RETREG1: variants seen among roughly 807,000 people sequenced by gnomAD.
RETREG1 encodes the protein family with sequence similarity 134 member B.
In RETREG1, 44 loss-of-function variants were observed where a neutral mutation model predicts 54.8. The ratio of observed to expected loss-of-function variants is 0.80; its 90% CI spans 0.63 to 1.03. The LOEUF (loss-of-function observed/expected upper bound fraction) is 1.03, where lower values mean the gene tolerates loss of function less well. Among genes scored for constraint, RETREG1 ranks in the 50% least tolerant of loss-of-function variants. The pLI is 0.00. For missense variants in RETREG1, 554 were observed against 605.1 expected, an observed-to-expected ratio of 0.92 and a Z score of 0.89; for synonymous variants, 217 against 238.5, an observed-to-expected ratio of 0.91 and a Z score of 0.83.
At chr5:16,522,610 T>C (rs1443407355) in intron 3 of RETREG1, among the ~76,000 whole-genome samples, 1 of 152,174 alleles carries the variant, frequency 6.6e-6, no homozygotes, top group Non-Finnish European at 1.5e-5. Flanking sequence ...ATCCCCAATC[T>C]CCTGTCTCCA....
At chr5:16,504,714 C>T (rs952488073) in intron 3 of RETREG1, among the ~76,000 whole-genome samples, 6 of 152,306 alleles carry the variant, frequency 3.9e-5, no homozygotes, top group Non-Finnish European at 7.4e-5. Context: ...AATCGCAACT[C>T]CCTCACTTCA....
At position 16,483,326 on chromosome 5, in the gene RETREG1, T is replaced by A. The variant is rs888395625; in HGVS notation, c.585+20A>T. 3.7e-6 allele frequency: 6 copies of A among 1,612,482 alleles called. No homozygotes were observed. In the African/African-American group the frequency reaches 5.3e-5, roughly 14 times the overall value. ...AGTAACTGAACATTTTAAAACATAC[T>A]CCTTTACTGGAAAACTTGCCTTGCC... On this transcript the variant is annotated intron_variant, in intron 4 of 8. Transcript: ENST00000306320.
At chr5:16,515,392 T>C (rs1041861706) in intron 3 of RETREG1, among the ~76,000 whole-genome samples, 1 of 152,226 alleles carries the variant, frequency 6.6e-6, no homozygotes, top group African/African-American at 2.4e-5. Context: ...CTTATTCCAA[T>C]CTGTTTTCTT....
chr5:16,547,459 G>A (rs757358396), intron 3 of RETREG1, among the ~76,000 whole-genome samples: 8 of 152,128 alleles, frequency 5.3e-5, no homozygotes, highest in Admixed American at 2.0e-4. Context: ...CCATCTTCCC[G>A]CAGAGCCTGG....
chr5:16,510,815 CAACAAA>C (rs1740148246), intron 3 of RETREG1, among the ~76,000 whole-genome samples: 2 of 56,392 alleles, frequency 3.5e-5, no homozygotes, highest in African/African-American at 6.8e-5. Flanking sequence ...ACAACAACAA[CAACAAA>C]AAAAAAAAAA....
chr5:16,558,110 T>G (rs866387265), intron 3 of RETREG1, among the ~76,000 whole-genome samples: 86 of 151,884 alleles, frequency 5.7e-4, no homozygotes, highest in African/African-American at 2.0e-3. Flanking sequence ...AAAAGTGAGT[T>G]GGAGCTGAGT....
At chr5:16,541,352 C>T (rs758325652) in intron 3 of RETREG1, among the ~76,000 whole-genome samples, 1 of 152,166 alleles carries the variant, frequency 6.6e-6, no homozygotes, top group Non-Finnish European at 1.5e-5. Context: ...AGACAATTCA[C>T]TAAAACGAAC....
intron 5 of RETREG1, among the ~76,000 whole-genome samples, chr5:16,479,509 T>A (rs1477869095): frequency 6.6e-6 from 1 of 152,132 alleles, no homozygotes; most frequent in Non-Finnish European, 1.5e-5. Context: ...GAAGCATAAA[T>A]GAAATCAATG....
At chr5:16,492,229 T>TCTCTCACACACACACACA (rs1406702350) in intron 3 of RETREG1, among the ~76,000 whole-genome samples, 1 of 110,570 alleles carries the variant, frequency 9.0e-6, no homozygotes, top group Non-Finnish European at 2.0e-5. Flanking sequence ...TCTCTCTCTC[T>TCTCTCACACACACACACA]CACACACACA....
chr5:16,608,655 C>A (rs1743260309), intron 1 of RETREG1, among the ~76,000 whole-genome samples: 1 of 152,142 alleles, frequency 6.6e-6, no homozygotes, highest in South Asian at 2.1e-4. Flanking sequence ...AGTTCAGGCA[C>A]TGGGCTTCTG....
At chr5:16,495,042 G>A (rs1739400002) in intron 3 of RETREG1, among the ~76,000 whole-genome samples, 1 of 152,126 alleles carries the variant, frequency 6.6e-6, no homozygotes, top group Non-Finnish European at 1.5e-5. Context: ...TCTTAAGCAA[G>A]GCAACTGGCT....
intron 1 of RETREG1, among the ~76,000 whole-genome samples, chr5:16,578,748 T>C (rs1379866980): frequency 6.6e-6 from 1 of 152,226 alleles, no homozygotes; most frequent in Non-Finnish European, 1.5e-5. Context: ...AGGCAGGGAA[T>C]TCTGTTTTCA....
At chr5:16,486,773 T>C (rs1326402545) in intron 3 of RETREG1, among the ~76,000 whole-genome samples, 2 of 152,180 alleles carry the variant, frequency 1.3e-5, no homozygotes, top group East Asian at 1.9e-4. Flanking sequence ...TGAGGTGTGA[T>C]TGACCAATAC....
At chr5:16,588,387 T>C (rs1742673882) in intron 1 of RETREG1, among the ~76,000 whole-genome samples, 1 of 152,212 alleles carries the variant, frequency 6.6e-6, no homozygotes. Flanking sequence ...TCATGTAACC[T>C]TGACTACCTT....
chr5:16,553,578 T>C (rs1741605348), intron 3 of RETREG1, among the ~76,000 whole-genome samples: 1 of 152,070 alleles, frequency 6.6e-6, no homozygotes, highest in South Asian at 2.1e-4. Context: ...TTAGATTTTG[T>C]TTAAATGTAT....
intron 1 of RETREG1, among the ~76,000 whole-genome samples, chr5:16,598,384 T>C (rs2126353899): frequency 6.6e-6 from 1 of 152,284 alleles, no homozygotes; most frequent in African/African-American, 2.4e-5. Flanking sequence ...AGACACCGTG[T>C]CCCCAGTGTC....
At chr5:16,519,028 T>C (rs1033939696) in intron 3 of RETREG1, among the ~76,000 whole-genome samples, 1 of 152,188 alleles carries the variant, frequency 6.6e-6, no homozygotes, top group Non-Finnish European at 1.5e-5. Flanking sequence ...TTTTTCTCCT[T>C]AGATCAAACT....
intron 1 of RETREG1, among the ~76,000 whole-genome samples, chr5:16,581,565 A>ACACACACAC (rs1561128532): frequency 1.4e-5 from 2 of 144,062 alleles, no homozygotes; most frequent in African/African-American, 5.1e-5. Context: ...ACACACACAC[A>ACACACACAC]AAACACACAC....
intron 3 of RETREG1, among the ~76,000 whole-genome samples, chr5:16,524,348 A>T (rs1253404895): frequency 1.3e-5 from 2 of 152,208 alleles, no homozygotes; most frequent in African/African-American, 4.8e-5. Flanking sequence ...TCACTTTGGT[A>T]AAATCTCCGA....
Sources: allele counts gnomAD v4.1 joint callset (sites outside exome capture counted in the v4.1 genomes callset), GRCh38; gene constraint gnomAD v4.1.1; transcripts MANE v1.5; gene names NCBI Gene and HGNC (gene_info 2026-07-23, HGNC 2026-07-21).